The following MSI2 variants were observed in gnomAD, a reference collection of about 807,000 sequenced individuals.
The protein encoded by MSI2 is RNA-binding protein Musashi homolog 2.
A neutral mutation model predicts 45.6 loss-of-function variants in MSI2; 17 were observed. The observed-to-expected ratio is 0.37, with a 90% CI of 0.26 to 0.56. The LOEUF (loss-of-function observed/expected upper bound fraction) is 0.56. Ranked by LOEUF, MSI2 falls within the 20% of genes least tolerant of loss-of-function variation. The pLI, the probability that MSI2 is intolerant of heterozygous loss-of-function variation, is 0.77. For missense variants in MSI2, 293 were observed against 444.2 expected, an observed-to-expected ratio of 0.66 and a Z score of 3.06; for synonymous variants, 156 against 158.2, an observed-to-expected ratio of 0.99 and a Z score of 0.11.
intron 6 of MSI2, chr17:57,444,399 A>G (rs763174820): frequency 2.0e-5 from 3 of 152,174 alleles, no homozygotes; most frequent in African/African-American, 4.8e-5. Context: ...CCTGACCAAC[A>G]TGGTGAAACC....
intron 10 of MSI2, chr17:57,632,916 T>G (rs2144627565): frequency 9.4e-7 from 1 of 1,059,438 alleles, no homozygotes; most frequent in African/African-American, 1.6e-5. Context: ...TTGGTTAGTT[T>G]CCTTTTATTT....
chr17:57,666,484 T>G (rs1198507692), intron 11 of MSI2, among the ~76,000 whole-genome samples: 1 of 152,236 alleles, frequency 6.6e-6, no homozygotes, highest in African/African-American at 2.4e-5. Context: ...GCTTCTTGCC[T>G]CATTGGTTTT....
chr17:57,575,095 G>A (rs991715829), intron 7 of MSI2, among the ~76,000 whole-genome samples: 5 of 151,726 alleles, frequency 3.3e-5, no homozygotes, highest in Non-Finnish European at 7.4e-5. Flanking sequence ...CTCCCAAAGT[G>A]CTGGAATTAC....
At chr17:57,388,416 T>G (rs2083722523) in intron 5 of MSI2, among the ~76,000 whole-genome samples, 1 of 152,240 alleles carries the variant, frequency 6.6e-6, no homozygotes, top group Non-Finnish European at 1.5e-5. Context: ...TTATCGCTTC[T>G]TATGCCTTCC....
chr17:57,382,811 C>A (rs753677335), intron 5 of MSI2, among the ~76,000 whole-genome samples: 8 of 152,176 alleles, frequency 5.3e-5, no homozygotes, highest in Non-Finnish European at 1.2e-4. Context: ...AAATGTCTTA[C>A]GATGAAATTT....
At chr17:57,350,788 G>A (rs1330290027) in intron 5 of MSI2, among the ~76,000 whole-genome samples, 5 of 152,126 alleles carry the variant, frequency 3.3e-5, no homozygotes, top group East Asian at 1.9e-4. Flanking sequence ...ACCATGGCAC[G>A]TTTTAGACTT....
intron 5 of MSI2, among the ~76,000 whole-genome samples, chr17:57,399,585 T>A (rs536364513): frequency 3.3e-5 from 5 of 151,022 alleles, no homozygotes; most frequent in African/African-American, 1.2e-4. Context: ...AAGCAAGAGC[T>A]CCCTGGAGTC....
rs181222418 is a variant in MSI2 at position 57,508,910 on chromosome 17, C to T, written c.406-20766C>T. Among the ~76,000 whole-genome samples the T allele has an allele frequency of 2.6e-5, 4 of 152,286 alleles. No individual in the cohort carries two copies. The East Asian group carries it at 7.7e-4, about 29-fold the overall frequency. ...CCACAAGGCTGTTCCGGGACCCATT[C>T]ATTAGAATAGAGTCCTCAAGTCCTA... On this transcript the variant is annotated intron_variant, in intron 6 of 13. Coordinates refer to ENST00000284073, the MANE Select transcript of MSI2 (RefSeq NM_138962.4).
chr17:57,291,847 C>T (rs899258935), intron 5 of MSI2, among the ~76,000 whole-genome samples: 2 of 152,044 alleles, frequency 1.3e-5, no homozygotes, highest in African/African-American at 4.8e-5. Context: ...CCACTGTCTA[C>T]AGCCATACCA....
At chr17:57,666,029 G>A (rs1912338245) in intron 11 of MSI2, among the ~76,000 whole-genome samples, 2 of 152,078 alleles carry the variant, frequency 1.3e-5, no homozygotes, top group Admixed American at 1.3e-4. Flanking sequence ...TCCACTGCCA[G>A]GGAGCTCCCA....
intron 5 of MSI2, among the ~76,000 whole-genome samples, chr17:57,352,209 A>T (rs1299422502): frequency 6.6e-6 from 1 of 152,184 alleles, no homozygotes; most frequent in East Asian, 1.9e-4. Context: ...ATGAACCTGG[A>T]TGGTTTCTTC....
At position 57,562,743 on chromosome 17, in the gene MSI2, G is replaced by A. The variant is rs544300467; in HGVS notation, c.454+33019G>A. 1.4e-4 allele frequency among the ~76,000 whole-genome samples: 22 copies of A among 152,334 alleles called. No individual in the cohort carries two copies. In the South Asian group the frequency reaches 3.7e-3, roughly 26 times the overall value. On this transcript the variant is annotated intron_variant, in intron 7 of 13. Coordinates refer to ENST00000284073, the MANE Select transcript of MSI2 (RefSeq NM_138962.4). ...CAAATCAGATCCTCAGGGACTGCACGAATGGAGAGATAAGTCTTGGTGTGT... is the reference window on the plus strand; with the variant it reads ...CAAATCAGATCCTCAGGGACTGCACAAATGGAGAGATAAGTCTTGGTGTGT...
At chr17:57,637,013 C>A (rs1047880005) in intron 10 of MSI2, among the ~76,000 whole-genome samples, 1 of 152,208 alleles carries the variant, frequency 6.6e-6, no homozygotes, top group Non-Finnish European at 1.5e-5. Flanking sequence ...ACAGCAGCCC[C>A]CACACATCTG....
In MSI2 at chr17:57,631,731, C is replaced by G. The variant is rs1322262158; in HGVS notation, c.727+4428C>G. On this transcript the variant is annotated intron_variant, in intron 10 of 13. Coordinates refer to ENST00000284073, the MANE Select transcript of MSI2 (RefSeq NM_138962.4). ...TCTCCCCTGCTTCCTCTCTTTTCCC[C>G]ACTCTGGACTTCTCATTTCAGTTTA... The G allele has an allele frequency of 6.5e-6, 9 of 1,391,284 alleles. No individual in the cohort carries two copies. The East Asian group carries it at 2.1e-4, about 32-fold the overall frequency. 86.2% of individuals were successfully genotyped at this position (1,391,284 alleles called of 1,614,324 possible).
At chr17:57,616,657 A>C (rs371536869) in intron 9 of MSI2, 1 of 152,104 alleles carries the variant, frequency 6.6e-6, no homozygotes, top group Non-Finnish European at 1.5e-5. Context: ...GATGAAAGAC[A>C]AAGTGTGTTT....
intron 5 of MSI2, among the ~76,000 whole-genome samples, chr17:57,394,135 T>C (rs889646469): frequency 1.3e-5 from 2 of 152,224 alleles, no homozygotes; most frequent in Non-Finnish European, 2.9e-5. Flanking sequence ...GCTGCAAAAT[T>C]AGAAAAGGTG....
At chr17:57,535,400 G>A (rs1437404010) in intron 7 of MSI2, among the ~76,000 whole-genome samples, 1 of 152,194 alleles carries the variant, frequency 6.6e-6, no homozygotes, top group African/African-American at 2.4e-5. Flanking sequence ...CCCATAGCCT[G>A]GTGAGGGAGT....
intron 11 of MSI2, 75 bp from the exon 12 acceptor site, chr17:57,674,897 G>T (rs1339854896): frequency 6.3e-7 from 1 of 1,587,326 alleles, no homozygotes; most frequent in Admixed American, 1.7e-5. Flanking sequence ...CTCATACCCA[G>T]CTCTATTCTC....
intron 5 of MSI2, among the ~76,000 whole-genome samples, chr17:57,374,000 G>A (rs1020467877): frequency 1.3e-5 from 2 of 152,168 alleles, no homozygotes; most frequent in Non-Finnish European, 2.9e-5. Context: ...GATGGGGACC[G>A]ATTTACCATG....
Sources: gnomAD v4.1 joint callset for allele counts (sites outside exome capture counted in the v4.1 genomes callset) on GRCh38, gnomAD v4.1.1 for gene constraint, MANE v1.5 for transcripts, NCBI Gene and HGNC (gene_info 2026-07-23, HGNC 2026-07-21) for gene names.